MUSK: variants seen among roughly 807,000 people sequenced by gnomAD.
The protein encoded by MUSK is muscle, skeletal receptor tyrosine-protein kinase.
In MUSK, 55 loss-of-function variants were observed where a neutral mutation model predicts 88.7. The ratio of observed to expected loss-of-function variants is 0.62; its 90% confidence interval spans 0.50 to 0.78. The LOEUF (loss-of-function observed/expected upper bound fraction) is 0.78. Among genes scored for constraint, MUSK ranks in the 30% least tolerant of loss-of-function variants. MUSK has a pLI of 0.00. For synonymous variants in MUSK, 387 were observed against 391.9 expected, an observed-to-expected ratio of 0.99 and a Z score of 0.15; for missense variants, 1,015 against 1,074.3, an observed-to-expected ratio of 0.94 and a Z score of 0.77.
Position 110,787,720 on chromosome 9 carries a change from C to T in MUSK, c.1809C>T (p.Phe603=), listed in dbSNP as rs750864035. 6.2e-7 allele frequency: 1 copy of T among 1,613,934 alleles called. No homozygotes were observed. Among genetic ancestry groups the T allele is most frequent in the South Asian group, 1.1e-5 (1 of 91,078 alleles). ...CAGGCTTACTTCCCTATGAACCTTTCACTATGGTGGCAGTAAAGATGCTCA... is the reference window on the plus strand; with the variant it reads ...CAGGCTTACTTCCCTATGAACCTTTTACTATGGTGGCAGTAAAGATGCTCA... ...RAPGLLPYEP[F]TMVAVKMLKE... The change falls in exon 14 of 15, where the codon TTC becomes TTT. Residue 603 remains phenylalanine (F), a synonymous_variant. Transcript: ENST00000374448.
chr9:110,742,774 T>C (rs1033260653), intron 6 of MUSK, among the ~76,000 whole-genome samples: 6 of 152,158 alleles, frequency 3.9e-5, no homozygotes, highest in Non-Finnish European at 8.8e-5. Flanking sequence ...ACAAACAAAG[T>C]GACTTTCATC....
chr9:110,741,152 A>C (rs1426108597), intron 6 of MUSK, among the ~76,000 whole-genome samples: 3 of 152,148 alleles, frequency 2.0e-5, no homozygotes, highest in African/African-American at 7.2e-5. Flanking sequence ...ACACACACAC[A>C]AAGGTAACCA....
chr9:110,755,967 T>TATATATATAA (rs1450657886), intron 7 of MUSK, among the ~76,000 whole-genome samples: 1 of 58,810 alleles, frequency 1.7e-5, no homozygotes. Flanking sequence ...TATATATACA[T>TATATATATAA]ATATATATAT....
intron 1 of MUSK, among the ~76,000 whole-genome samples, chr9:110,673,406 CT>C (rs1324887361): frequency 6.6e-6 from 1 of 152,076 alleles, no homozygotes. Flanking sequence ...TAGTATCTAC[CT>C]TTTTTGTGTT....
At chr9:110,684,139 TTTTGA>T (rs1336034440) in intron 2 of MUSK, among the ~76,000 whole-genome samples, 1 of 152,116 alleles carries the variant, frequency 6.6e-6, no homozygotes, top group Non-Finnish European at 1.5e-5. Flanking sequence ...CTTTAATCCA[TTTTGA>T]TTTGATTTTT....
In MUSK at chr9:110,782,426, T is replaced by C. The variant is rs918715474; in HGVS notation, c.1385-2389T>C. ...ATTATTGTTCCAACTATGTCATTTC[T>C]TGCATTTTAAAAAAACTCACTAAAT... is the stretch of plus-strand genomic sequence containing the variant. On this transcript the variant is annotated intron_variant, in intron 11 of 14. Coordinates refer to ENST00000374448, the MANE Select transcript of MUSK (RefSeq NM_005592.4). Among the ~76,000 whole-genome samples the C allele has an allele frequency of 3.3e-5, 5 of 152,226 alleles. 1 individual carries two copies. Among genetic ancestry groups the C allele is most frequent in the African/African-American group, 1.2e-4 (5 of 41,462 alleles).
chr9:110,690,480 A>T (rs1266112635), intron 3 of MUSK, among the ~76,000 whole-genome samples: 2 of 83,684 alleles, frequency 2.4e-5, no homozygotes, highest in Non-Finnish European at 2.1e-5. Flanking sequence ...GTATATATAT[A>T]AATATATATT....
At chr9:110,747,264 G>A (rs1477750812) in intron 6 of MUSK, among the ~76,000 whole-genome samples, 1 of 152,160 alleles carries the variant, frequency 6.6e-6, no homozygotes, top group Non-Finnish European at 1.5e-5. Context: ...TCCCACCTGG[G>A]GCAGAGGGGA....
chr9:110,681,086 AATATATATTATATAATATATATT>A (rs2076119506), intron 1 of MUSK, among the ~76,000 whole-genome samples: 1 of 20,480 alleles, frequency 4.9e-5, no homozygotes, highest in South Asian at 9.1e-4. Flanking sequence ...TATATTATAT[AATATATATTATATAATATATATT>A]ATATATAATA....
At chr9:110,771,001 G>T (rs1182284620) in intron 9 of MUSK, among the ~76,000 whole-genome samples, 2 of 151,448 alleles carry the variant, frequency 1.3e-5, no homozygotes, top group Non-Finnish European at 2.9e-5. Context: ...TTTTTTTGAG[G>T]TAGTTAGTTG....
Position 110,668,975 on chromosome 9 carries a change from T to C in MUSK, c.71T>C (p.Leu24Pro). The C allele has an allele frequency of 2.5e-6, 4 of 1,613,390 alleles. No individual in the cohort carries two copies. The highest frequency in any genetic ancestry group is 2.5e-6 in the Non-Finnish European group (3 of 1,179,384). ...GTTGCCTTCAGCGGAACTGAGAAAC[T>C]TCCAAAAGGTTGGTTTGAGCAATCG... ...TLVAFSGTEK[L>P]PKAPVITTPL... Residue 24 changes from leucine to proline, a missense_variant, in exon 1 of 15, where the codon CTT becomes CCT. Leu to Pro is a moderately conservative substitution (Grantham distance 98). Transcript: ENST00000374448.
intron 4 of MUSK, 25 bp from the exon 5 acceptor site, chr9:110,697,300 G>A (rs1189475473): frequency 7.4e-6 from 12 of 1,611,002 alleles, no homozygotes; most frequent in Non-Finnish European, 1.0e-5. Flanking sequence ...AAACATTTTT[G>A]AATTCACGTC....
At chr9:110,689,351 T>C (rs1168149882) in intron 3 of MUSK, among the ~76,000 whole-genome samples, 1 of 117,512 alleles carries the variant, frequency 8.5e-6, no homozygotes, top group East Asian at 2.4e-4. Context: ...AATATATAAA[T>C]ATATATAAAT....
At chr9:110,705,424 C>T (rs1249015865) in intron 5 of MUSK, among the ~76,000 whole-genome samples, 2 of 152,182 alleles carry the variant, frequency 1.3e-5, no homozygotes, top group Admixed American at 1.3e-4. Flanking sequence ...CAAGAGGAAG[C>T]TGGCAGAGTC....
rs369626158 is a variant in MUSK, at chr9:110,687,088, A to C, written c.207-29A>C. ...GCAAAAAAATCACAGAGGAAGCACT[A>C]ATCTGTCATTTTTTTCTGTGACCTG... On this transcript the variant is annotated intron_variant, in intron 2 of 14. Coordinates refer to ENST00000374448, the MANE Select transcript of MUSK (RefSeq NM_005592.4). The C allele has an allele frequency of 2.5e-6, 4 of 1,600,600 alleles. No homozygotes were observed. In the African/African-American group the frequency reaches 5.4e-5, roughly 21 times the overall value.
intron 14 of MUSK, among the ~76,000 whole-genome samples, chr9:110,789,710 C>T (rs1471947269): frequency 4.0e-5 from 6 of 151,776 alleles, no homozygotes; most frequent in Non-Finnish European, 7.4e-5. Flanking sequence ...ACCTGGGAGG[C>T]GGAGGTTGCA....
intron 5 of MUSK, among the ~76,000 whole-genome samples, chr9:110,715,908 G>A (rs1348205412): frequency 6.7e-6 from 1 of 149,296 alleles, no homozygotes; most frequent in African/African-American, 2.6e-5. Context: ...ACTTATAAGT[G>A]GGAGCTGAAC....
rs2077827722 is a variant in MUSK, at chr9:110,784,903, A to G, written c.1473A>G (p.Thr491=). 1.2e-6 allele frequency: 2 copies of G among 1,613,848 alleles called. No homozygotes were observed. The highest frequency in any genetic ancestry group is 1.3e-5 in the African/African-American group (1 of 75,046). Residue 491 remains threonine (T), a synonymous_variant, in exon 12 of 15, where the codon ACA becomes ACG. Transcript: ENST00000374448. ...SSSSSFSVSP[T]YSMTVIISIM... is the part of the protein sequence containing the mutation. ...CTTCTTCCTTCTCTGTCTCACCTAC[A>G]TACTCCATGACTGTAATAATCTCCA...
At chr9:110,670,252 A>G (rs535303444) in intron 1 of MUSK, among the ~76,000 whole-genome samples, 1 of 152,230 alleles carries the variant, frequency 6.6e-6, no homozygotes, top group Non-Finnish European at 1.5e-5. Flanking sequence ...AGCTAATAAT[A>G]GTCAGAAAGA....
Sources: gnomAD v4.1 joint callset for allele counts (sites outside exome capture counted in the v4.1 genomes callset) on GRCh38, gnomAD v4.1.1 for gene constraint, MANE v1.5 for transcripts, NCBI Gene and HGNC (gene_info 2026-07-23, HGNC 2026-07-21) for gene names.